PLA2G6: variants seen among roughly 807,000 people sequenced by gnomAD.
The protein encoded by PLA2G6 is phospholipase A2 group VI.
Under a neutral mutation model 83.8 loss-of-function variants are expected in PLA2G6, and 62 were observed. That is an observed-to-expected ratio of 0.74 (90% confidence interval 0.60 to 0.91). The LOEUF is 0.91. PLA2G6 is among the 40% of genes least tolerant of loss of function. The pLI is 0.00. For synonymous variants in PLA2G6, 417 were observed against 449.8 expected (o/e 0.93, Z 0.92); for missense variants, 944 against 1,102.0 (o/e 0.86, Z 2.03).
chr22:38,125,187 C>T (rs11570716), intron 10 of PLA2G6, among the ~76,000 whole-genome samples: 5,406 of 151,994 alleles, frequency 0.036, 330 homozygotes, highest in African/African-American at 0.12. Context: ...TGTATGTGTG[C>T]GCATGTGTAT....
Position 38,164,755 on chromosome 22 carries a change from G to A in PLA2G6, c.209+4463C>T, listed in dbSNP as rs188996085. Among the ~76,000 whole-genome samples, 13 of 152,266 alleles carry A rather than the reference G, an allele frequency of 8.5e-5. No homozygotes were observed. In the South Asian group the frequency reaches 1.2e-3, roughly 15 times the overall value. ...GCAGCCCATGCTCACTCTAACACGCGTCAAGTACTCAGGACAGTCCAGAGG... is the reference window on the plus strand; with the variant it reads ...GCAGCCCATGCTCACTCTAACACGCATCAAGTACTCAGGACAGTCCAGAGG... On this transcript the variant is annotated intron_variant, in intron 2 of 16. Coordinates refer to ENST00000332509, the MANE Select transcript of PLA2G6 (RefSeq NM_003560.4).
intron 1 of PLA2G6, among the ~76,000 whole-genome samples, chr22:38,179,405 T>C (rs73154428): frequency 0.053 from 8,110 of 152,050 alleles, 329 homozygotes; most frequent in East Asian, 0.14. Flanking sequence ...TGTCCTAAGA[T>C]GAGAAAGAGA....
At chr22:38,172,808 A>C (rs143579727) in intron 1 of PLA2G6, among the ~76,000 whole-genome samples, 1,752 of 152,316 alleles carry the variant, frequency 0.012, 27 homozygotes, top group Non-Finnish European at 0.016. Context: ...AAGATTCCAC[A>C]CACCCCTTCG....
rs1019033577 is a variant in PLA2G6 at position 38,128,736 on chromosome 22, C to G, written c.1187-306G>C. Among the ~76,000 whole-genome samples the G allele has an allele frequency of 6.6e-6, 1 of 152,234 alleles. No homozygotes were observed. The highest frequency in any genetic ancestry group is 2.4e-5 in the African/African-American group (1 of 41,458). On this transcript the variant is annotated intron_variant, in intron 8 of 16. Transcript: ENST00000332509. This position sits in a 1 kb window ranked among gnomAD's most constrained non-coding sequence, Gnocchi z 4.4. ...AGCCAAGAAAGCAGGAATCCCATGG[C>G]CACATTCAGTGATTCTCAAAAATGC...
chr22:38,144,714 A>G (rs1207717415), intron 3 of PLA2G6: 1 of 151,894 alleles, frequency 6.6e-6, no homozygotes, highest in East Asian at 1.9e-4. Context: ...AGGCTGAGGC[A>G]GGAGAATCAC....
chr22:38,124,595 G>GCCTGCTGCTCCA (rs2087724141), intron 10 of PLA2G6, among the ~76,000 whole-genome samples: 1 of 152,008 alleles, frequency 6.6e-6, no homozygotes, highest in Non-Finnish European at 1.5e-5. Flanking sequence ...CTCACAGCCC[G>GCCTGCTGCTCCA]CCTGCTGCTC....
At chr22:38,127,130 C>T (rs1030108207) in intron 9 of PLA2G6, 32 of 1,129,394 alleles carry the variant, frequency 2.8e-5, no homozygotes, top group South Asian at 2.8e-4. Flanking sequence ...TGCAGCAGCC[C>T]GCGTGACCCC....
chr22:38,172,087 G>T (rs133006), intron 1 of PLA2G6, among the ~76,000 whole-genome samples: 16,635 of 152,106 alleles, frequency 0.11, 1,068 homozygotes, highest in African/African-American at 0.16. Flanking sequence ...CCTGCCAGAC[G>T]GTAAGCTTCG....
rs910985603 is a variant in PLA2G6, at chr22:38,112,147, G to A, written c.*14C>T. On this transcript the variant is annotated 3_prime_UTR_variant, in exon 17 of 17. Transcript: ENST00000332509. ...GGACGAGGTCAGCTGGGGCCGGTGAGAGGCTGGGGACCCTCAGGGTGAGAG... is the reference window on the plus strand; with the variant it reads ...GGACGAGGTCAGCTGGGGCCGGTGAAAGGCTGGGGACCCTCAGGGTGAGAG... 2 of 1,571,724 alleles carry A rather than the reference G, an allele frequency of 1.3e-6. No individual in the cohort carries two copies. Among genetic ancestry groups the A allele is most frequent in the East Asian group, 2.4e-5 (1 of 42,512 alleles).
At chr22:38,143,577 A>C in intron 3 of PLA2G6, 1 of 527,002 alleles carries the variant, frequency 1.9e-6, no homozygotes, top group Non-Finnish European at 3.5e-6. Flanking sequence ...GTCACAGAAC[A>C]CGGATATCTC....
intron 2 of PLA2G6, among the ~76,000 whole-genome samples, chr22:38,167,160 G>A (rs930652403): frequency 4.6e-5 from 7 of 151,080 alleles, no homozygotes; most frequent in Non-Finnish European, 8.8e-5. Context: ...CCTGGGAGGC[G>A]GAGCTTGCAG....
intron 10 of PLA2G6, among the ~76,000 whole-genome samples, chr22:38,124,785 C>T (rs2087736074): frequency 6.6e-6 from 1 of 152,208 alleles, no homozygotes; most frequent in Admixed American, 6.5e-5. Context: ...CCGGGTCCCA[C>T]CTCTAGGGGT....
rs8141149 is a variant in PLA2G6 at position 38,132,257 on chromosome 22, G to A, written c.1077+574C>T. The A allele has an allele frequency of 1.5e-4, 51 of 349,756 alleles. No individual in the cohort carries two copies. Among genetic ancestry groups the A allele is most frequent in the South Asian group, 5.1e-4 (24 of 47,386 alleles). 21.7% of individuals were successfully genotyped at this position (349,756 alleles called of 1,614,324 possible). On this transcript the variant is annotated intron_variant, in intron 7 of 16. Coordinates refer to ENST00000332509, the MANE Select transcript of PLA2G6 (RefSeq NM_003560.4). This position sits in a 1 kb window ranked among gnomAD's most constrained non-coding sequence, Gnocchi z 5.0. ...GAACTGTGTTCTATAATAAACCAAC[G>A]AATATGCCTGGCACCTGCCACAGGC...
intron 14 of PLA2G6, among the ~76,000 whole-genome samples, chr22:38,114,839 T>C (rs1020159239): frequency 2.6e-5 from 4 of 152,104 alleles, no homozygotes; most frequent in African/African-American, 9.7e-5. Context: ...GCAGGCGCTA[T>C]GATGGCCCCA....
At chr22:38,167,602 G>A (rs901095671) in intron 2 of PLA2G6, among the ~76,000 whole-genome samples, 1 of 152,176 alleles carries the variant, frequency 6.6e-6, no homozygotes, top group Non-Finnish European at 1.5e-5. Flanking sequence ...GCTGGAAGGC[G>A]GTCTGCTCAG....
intron 2 of PLA2G6, among the ~76,000 whole-genome samples, chr22:38,154,986 G>A (rs987915574): frequency 1.3e-5 from 2 of 152,160 alleles, no homozygotes; most frequent in Admixed American, 6.5e-5. Flanking sequence ...CCAGCACTTC[G>A]GAAGGCCAAG....
chr22:38,154,920 T>C (rs895731229), intron 2 of PLA2G6, among the ~76,000 whole-genome samples: 2 of 151,968 alleles, frequency 1.3e-5, no homozygotes, highest in Non-Finnish European at 2.9e-5. Context: ...AGCAAAGAGA[T>C]TGAAATAATT....
intron 2 of PLA2G6, chr22:38,145,871 T>C (rs1196544435): frequency 1.7e-6 from 1 of 572,270 alleles, no homozygotes; most frequent in Non-Finnish European, 3.2e-6. Flanking sequence ...GGCGTTTAGG[T>C]TAGACTTTCT....
intron 10 of PLA2G6, among the ~76,000 whole-genome samples, chr22:38,124,125 G>A (rs1033698330): frequency 1.3e-5 from 2 of 151,920 alleles, no homozygotes; most frequent in African/African-American, 4.8e-5. Flanking sequence ...ACGAGCCACC[G>A]TGCCCAGCCT....
Sources: gnomAD v4.1 joint callset for allele counts (sites outside exome capture counted in the v4.1 genomes callset) on GRCh38, gnomAD v4.1.1 for gene constraint, Gnocchi (gnomAD v3.1) non-coding constraint, MANE v1.5 for transcripts, NCBI Gene and HGNC (gene_info 2026-07-23, HGNC 2026-07-21) for gene names.